Variants in ZNF471 observed in about 807,000 individuals in gnomAD.
The protein encoded by ZNF471 is EZFIT-related protein 1.
Under a neutral mutation model 13.7 loss-of-function variants are expected in ZNF471, and 7 were observed. The ratio of observed to expected loss-of-function variants is 0.51; its 90% confidence interval spans 0.29 to 0.96. ZNF471 has a LOEUF of 0.96. Among genes scored for constraint, ZNF471 ranks in the 40% least tolerant of loss-of-function variants. The probability of loss-of-function intolerance (pLI) is 0.08; values close to 1 mark genes in which losing one functional copy is unlikely to be tolerated. For synonymous variants in ZNF471, 218 were observed against 235.6 expected (o/e 0.93, Z 0.68); for missense variants, 663 against 743.3 (o/e 0.89, Z 1.26).
Position 56,511,543 on chromosome 19 carries a change from C to G in ZNF471, c.-29C>G. On this transcript the variant is annotated 5_prime_UTR_variant, in exon 2 of 5. Transcript: ENST00000308031. ...CTTGCCCTCCCAAGACACTGTTCTT[C>G]AAGAGAAAGACCAGAAGAGAAGGCA... 6.2e-7 allele frequency: 1 copy of G among 1,613,778 alleles called. No individual in the cohort carries two copies. The highest frequency in any genetic ancestry group is 1.7e-5 in the Admixed American group (1 of 59,988).
chr19:56,522,964 G>A lies in ZNF471; in HGVS notation c.257-1360G>A, dbSNP rs898103846. On this transcript the variant is annotated intron_variant, in intron 4 of 4. Transcript: ENST00000308031. The surrounding 1 kb of genome is among the most constrained non-coding windows in gnomAD (Gnocchi z 4.1). ...TTGGCCAGGCTGGTCTCTAACTTCT[G>A]ACCTCAGGTGACATGCCCGCCTTGG... 1.3e-5 allele frequency among the ~76,000 whole-genome samples: 2 copies of A among 152,104 alleles called. No homozygotes were observed. The highest frequency in any genetic ancestry group is 2.4e-5 in the African/African-American group (1 of 41,428).
rs1228840773 is a variant in ZNF471 at position 56,527,620 on chromosome 19, A to G, written c.*1672A>G. On this transcript the variant is annotated 3_prime_UTR_variant, in exon 5 of 5. Transcript: ENST00000308031. The stretch of plus-strand genomic sequence containing the variant: ...TTGCTAACTAGAATAACCAGTTTAG[A>G]GAAGAACATAAATGACCTGATGGAG... The G allele has an allele frequency of 6.6e-6, 1 of 152,254 alleles. No homozygotes were observed. The highest frequency in any genetic ancestry group is 2.4e-5 in the African/African-American group (1 of 41,470). The allele number at this position is 152,254 out of a possible 1,614,324, so 9.4% of individuals were successfully genotyped here. A position where few individuals can be genotyped will look rare whatever the true frequency, so the allele number is the denominator to read the frequency against.
chr19:56,524,708 C>CCTT lies in ZNF471; in HGVS notation c.643_645dup (p.Phe215dup). The CCTT allele has an allele frequency of 6.3e-7, 1 of 1,585,446 alleles. No homozygotes were observed. The highest frequency in any genetic ancestry group is 1.2e-5 in the South Asian group (1 of 85,158). On this transcript the variant is annotated inframe_insertion, in exon 5 of 5. Transcript: ENST00000308031. This position sits in a 1 kb window ranked among gnomAD's most constrained non-coding sequence, Gnocchi z 4.8. ...TTTAAATGTAATGAATGTGACAAAA[C>CCTT]CTTCACCCATAGCTCATCCCTTACT...
Position 56,518,407 on chromosome 19 carries a change from G to T in ZNF471, c.161-75G>T. The T allele has an allele frequency of 2.7e-6, 3 of 1,100,718 alleles. No homozygotes were observed. The Admixed American group carries it at 6.3e-5, about 23-fold the overall frequency. The allele number at this position is 1,100,718 out of a possible 1,614,324, so 68.2% of individuals were successfully genotyped here. A position where few individuals can be genotyped will look rare whatever the true frequency, so the allele number is the denominator to read the frequency against. Reference sequence around the variant, plus strand: ...GTATTCCTACTATATCATTCCACCAGAATTAAGGTACTGGCTTTTAGTTCT... The same window carrying T: ...GTATTCCTACTATATCATTCCACCATAATTAAGGTACTGGCTTTTAGTTCT... On this transcript the variant is annotated intron_variant, in intron 3 of 4. Coordinates refer to ENST00000308031, the MANE Select transcript of ZNF471 (RefSeq NM_020813.4).
At position 56,525,154 on chromosome 19, in the gene ZNF471, C is replaced by T. The variant is rs201149317; in HGVS notation, c.1087C>T (p.Arg363Cys). ...TTTTAGGTATAACACATCTTTTATTCGTCACTGGAGGAGTTATCATACTGG... is the reference window on the plus strand; with the variant it reads ...TTTTAGGTATAACACATCTTTTATTTGTCACTGGAGGAGTTATCATACTGG... ...KAFRYNTSFI[R>C]HWRSYHTGEK... Residue 363 changes from arginine to cysteine, a missense_variant, in exon 5 of 5, where the codon CGT becomes TGT. By Grantham distance (180) the Arg-to-Cys change is radical. Transcript: ENST00000308031. 82 of 1,614,032 alleles carry T rather than the reference C, an allele frequency of 5.1e-5. No individual in the cohort carries two copies. The highest frequency in any genetic ancestry group is 1.1e-4 in the East Asian group (5 of 44,870).
chr19:56,525,337 A>T lies in ZNF471; in HGVS notation c.1270A>T (p.Ile424Phe), dbSNP rs1240597860. ...SGSSRTVHQR[I>F]HTGEKPYECD... The stretch of plus-strand genomic sequence containing the variant: ...TTCATCCCGTACTGTACATCAGAGA[A>T]TTCATACAGGAGAGAAACCTTATGA... The change falls in exon 5 of 5, where the codon ATT becomes TTT. Residue 424 changes from isoleucine to phenylalanine, a missense_variant. Transcript: ENST00000308031. 1 of 1,614,178 alleles carries T rather than the reference A, an allele frequency of 6.2e-7. No individual in the cohort carries two copies. Among genetic ancestry groups the T allele is most frequent in the East Asian group, 2.2e-5 (1 of 44,882 alleles).
At chr19:56,515,681 T>C (rs1260942703) in intron 2 of ZNF471, among the ~76,000 whole-genome samples, 2 of 152,200 alleles carry the variant, frequency 1.3e-5, no homozygotes, top group Non-Finnish European at 2.9e-5. Flanking sequence ...AGGTGAAAAA[T>C]GCCCACAATA....
intron 3 of ZNF471, among the ~76,000 whole-genome samples, chr19:56,517,372 G>A (rs572433374): frequency 6.1e-5 from 9 of 148,382 alleles, no homozygotes; most frequent in Admixed American, 2.7e-4. Context: ...GCACCATCTC[G>A]GCTCACTGCA....
intron 3 of ZNF471, among the ~76,000 whole-genome samples, chr19:56,517,403 C>T (rs756430627): frequency 6.6e-6 from 1 of 151,446 alleles, no homozygotes; most frequent in South Asian, 2.1e-4. Flanking sequence ...CCTGGGTTCA[C>T]GCCATTCTCC....
chr19:56,507,999 G>A (rs2043754953), intron 1 of ZNF471, 79 bp downstream of exon 1: 1 of 985,874 alleles, frequency 1.0e-6, no homozygotes, highest in South Asian at 4.7e-5. Flanking sequence ...CTCCGACGCG[G>A]GTCGCGAAGG....
At position 56,524,639 on chromosome 19, in the gene ZNF471, C is replaced by G. The variant is rs2147928814; in HGVS notation, c.572C>G (p.Ser191Cys). 6.3e-7 allele frequency: 1 copy of G among 1,586,074 alleles called. No homozygotes were observed. Among genetic ancestry groups the G allele is most frequent in the Non-Finnish European group, 8.5e-7 (1 of 1,172,966 alleles). The change falls in exon 5 of 5, where the codon TCT (serine) becomes TGT (cysteine). Residue 191 changes from serine (S) to cysteine (C), a missense_variant. Ser to Cys is a moderately radical substitution (Grantham distance 112, BLOSUM62 -1). Transcript: ENST00000308031. This position sits in a 1 kb window ranked among gnomAD's most constrained non-coding sequence, Gnocchi z 4.8. The stretch of plus-strand genomic sequence containing the variant: ...GATAAAAAAAGCTTCTCCAAAAATT[C>G]TATGGTAATAAAACACAAGAAAGTC... The part of the protein sequence containing the change: ...TSDKKSFSKN[S>C]MVIKHKKVYV...
Position 56,522,795 on chromosome 19 carries a change from G to T in ZNF471, c.257-1529G>T, listed in dbSNP as rs957915050. Among the ~76,000 whole-genome samples, 1 of 149,700 alleles carries T rather than the reference G, an allele frequency of 6.7e-6. No individual in the cohort carries two copies. Among genetic ancestry groups the T allele is most frequent in the Non-Finnish European group, 1.5e-5 (1 of 67,670 alleles). ...CTTGTCACCCAGGCTGGAGTGCAAT[G>T]GCACAGTCTTGGCTCACTGCAACCT... On this transcript the variant is annotated intron_variant, in intron 4 of 4. Coordinates refer to ENST00000308031, the MANE Select transcript of ZNF471 (RefSeq NM_020813.4). The surrounding 1 kb of genome is among the most constrained non-coding windows in gnomAD (Gnocchi z 4.1).
In ZNF471 at chr19:56,524,540, A is replaced by G. The variant is rs901755484; in HGVS notation, c.473A>G (p.Glu158Gly). 16 of 1,600,610 alleles carry G rather than the reference A, an allele frequency of 1.0e-5. No individual in the cohort carries two copies. Among genetic ancestry groups the G allele is most frequent in the Non-Finnish European group, 1.3e-5 (15 of 1,176,382 alleles). Residue 158 changes from glutamate to glycine, a missense_variant, in exon 5 of 5, where the codon GAA (glutamate) becomes GGA (glycine). Glu to Gly is a moderately conservative substitution (Grantham distance 98, BLOSUM62 -2). Coordinates refer to ENST00000308031, the MANE Select transcript of ZNF471 (RefSeq NM_020813.4). This position sits in a 1 kb window ranked among gnomAD's most constrained non-coding sequence, Gnocchi z 4.8. ...AAAGAAACCATCACTAAGGAAACAGAATTCAAATATACTAAATTTGGGAAA... is the reference window on the plus strand; with the variant it reads ...AAAGAAACCATCACTAAGGAAACAGGATTCAAATATACTAAATTTGGGAAA... ...THKETITKETEFKYTKFGKCI... is the reference protein window; with the variant it reads ...THKETITKETGFKYTKFGKCI...
At position 56,508,217 on chromosome 19, in the gene ZNF471, A is replaced by T. The variant is rs1600500564; in HGVS notation, c.-56+297A>T. Reference sequence around the variant, plus strand: ...CTGTCAGAGTGTGAGGCTCCGTGAGAGGGTGTGGTTTCTGTGTGTGTGTGT... The same window carrying T: ...CTGTCAGAGTGTGAGGCTCCGTGAGTGGGTGTGGTTTCTGTGTGTGTGTGT... On this transcript the variant is annotated intron_variant, in intron 1 of 4. Transcript: ENST00000308031. The surrounding 1 kb of genome is among the most constrained non-coding windows in gnomAD (Gnocchi z 4.7). The T allele has an allele frequency of 1.1e-6, 1 of 944,360 alleles. No individual in the cohort carries two copies. The highest frequency in any genetic ancestry group is 1.3e-4 in the East Asian group (1 of 7,630). The allele number at this position is 944,360 out of a possible 1,614,324, so 58.5% of individuals were successfully genotyped here. A position where few individuals can be genotyped will look rare whatever the true frequency, so the allele number is the denominator to read the frequency against.
Position 56,524,720 on chromosome 19 carries a change from G to C in ZNF471, c.653G>C (p.Ser218Thr). 1.3e-6 allele frequency: 2 copies of C among 1,598,224 alleles called. No homozygotes were observed. The highest frequency in any genetic ancestry group is 1.7e-6 in the Non-Finnish European group (2 of 1,174,828). Residue 218 changes from serine (S) to threonine (T), a missense_variant, in exon 5 of 5, where the codon AGC becomes ACC. Transcript: ENST00000308031. The surrounding 1 kb of genome is among the most constrained non-coding windows in gnomAD (Gnocchi z 4.8). The stretch of plus-strand genomic sequence containing the variant: ...GAATGTGACAAAACCTTCACCCATA[G>C]CTCATCCCTTACTGTTCATTTTAGA... ...CNECDKTFTH[S>T]SSLTVHFRIH...
chr19:56,519,992 G>T (rs1436694518), intron 4 of ZNF471, among the ~76,000 whole-genome samples: 2 of 152,102 alleles, frequency 1.3e-5, no homozygotes, highest in East Asian at 3.9e-4. Context: ...TGAATATAGG[G>T]TTCAGTATCA....
intron 3 of ZNF471, among the ~76,000 whole-genome samples, chr19:56,517,430 G>A (rs2043907737): frequency 6.6e-6 from 1 of 151,700 alleles, no homozygotes; most frequent in East Asian, 1.9e-4. Context: ...AGCCTCCTGA[G>A]TAGCTGGGAC....
chr19:56,519,143 G>GAGCTATACCAAGCTACTGAGTCT (rs2043934882), intron 4 of ZNF471, among the ~76,000 whole-genome samples: 1 of 152,004 alleles, frequency 6.6e-6, no homozygotes, highest in African/African-American at 2.4e-5. Flanking sequence ...TGAGTTACAG[G>GAGCTATACCAAGCTACTGAGTCT]TATACCAAGC....
In ZNF471 at chr19:56,527,435, C is replaced by T. The variant is rs2044061565; in HGVS notation, c.*1487C>T. On this transcript the variant is annotated 3_prime_UTR_variant, in exon 5 of 5. Coordinates refer to ENST00000308031, the MANE Select transcript of ZNF471 (RefSeq NM_020813.4). ...CCTCTTCTCCTCCAAAGGATCACAA[C>T]TCCTTGCCGGCAAGGGAACAAAACT... The T allele has an allele frequency of 6.6e-6, 1 of 152,202 alleles. No homozygotes were observed. Among genetic ancestry groups the T allele is most frequent in the East Asian group, 1.9e-4 (1 of 5,188 alleles). The allele number at this position is 152,202 out of a possible 1,614,324, so 9.4% of individuals were successfully genotyped here.
Sources: gnomAD v4.1 joint callset for allele counts (sites outside exome capture counted in the v4.1 genomes callset) on GRCh38, gnomAD v4.1.1 for gene constraint, Gnocchi (gnomAD v3.1) non-coding constraint, MANE v1.5 for transcripts, NCBI Gene and HGNC (gene_info 2026-07-23, HGNC 2026-07-21) for gene names.